Variants in GUCY1A2 observed in about 807,000 individuals in gnomAD.
The protein encoded by GUCY1A2 is guanylate cyclase soluble subunit alpha-2.
GUCY1A2 carries 27 observed loss-of-function variants against 63.5 expected under a neutral mutation model. The ratio of observed to expected loss-of-function variants is 0.43; its 90% CI spans 0.31 to 0.59. GUCY1A2 has a LOEUF of 0.59. Among genes scored for constraint, GUCY1A2 ranks in the 20% least tolerant of loss-of-function variants. The pLI, the probability that GUCY1A2 is intolerant of heterozygous loss-of-function variation, is 0.11. For synonymous variants in GUCY1A2, 364 were observed against 343.5 expected (o/e 1.06, Z -0.66); for missense variants, 768 against 913.3 (o/e 0.84, Z 2.05).
At chr11:106,735,273 C>A (rs552742339) in intron 6 of GUCY1A2, among the ~76,000 whole-genome samples, 2 of 152,032 alleles carry the variant, frequency 1.3e-5, no homozygotes, top group Admixed American at 1.3e-4. Context: ...ATTAGCCAAC[C>A]CCATTTTCCT....
chr11:106,887,322 G>A (rs1227306593), intron 4 of GUCY1A2, among the ~76,000 whole-genome samples: 1 of 152,054 alleles, frequency 6.6e-6, no homozygotes, highest in Admixed American at 6.6e-5. Context: ...ATGGTGTTCA[G>A]TAACTGACTG....
In GUCY1A2 at chr11:106,776,541, G is replaced by A. The variant is rs1864360417; in HGVS notation, c.1734C>T (p.Leu578=). ...IGDAYCVAAG[L]HRKSLCHAKP... ...TAGCATGGCAGAGGCTTTTTCTGTG[G>A]AGCCCTGCTGCAACACAGTAGGCAT... is the stretch of plus-strand genomic sequence containing the variant. Residue 578 remains leucine, a synonymous_variant, in exon 6 of 8, where the codon CTC becomes CTT. Coordinates refer to ENST00000526355, the MANE Select transcript of GUCY1A2 (RefSeq NM_000855.3). 1 of 1,613,368 alleles carries A rather than the reference G, an allele frequency of 6.2e-7. No homozygotes were observed. The highest frequency in any genetic ancestry group is 8.5e-7 in the Non-Finnish European group (1 of 1,179,346).
At chr11:106,945,077 G>C (rs1025678047) in intron 3 of GUCY1A2, among the ~76,000 whole-genome samples, 6 of 149,728 alleles carry the variant, frequency 4.0e-5, no homozygotes, top group African/African-American at 1.5e-4. Flanking sequence ...GATGGAAAAA[G>C]CATAAATTGC....
intron 7 of GUCY1A2, among the ~76,000 whole-genome samples, chr11:106,696,842 AGAG>A (rs1349074739): frequency 1.3e-5 from 2 of 152,164 alleles, no homozygotes; most frequent in African/African-American, 4.8e-5. Context: ...AGAAACTAAG[AGAG>A]GAGAAGAGGT....
At chr11:106,746,508 T>A in intron 6 of GUCY1A2, 1 of 1,004,822 alleles carries the variant, frequency 1.0e-6, no homozygotes, top group Non-Finnish European at 1.5e-6. Context: ...TATGCATAGC[T>A]GTATCCTCTG....
intron 4 of GUCY1A2, among the ~76,000 whole-genome samples, chr11:106,845,596 T>C (rs749435433): frequency 7.3e-5 from 11 of 151,578 alleles, no homozygotes; most frequent in Non-Finnish European, 1.3e-4. Flanking sequence ...TTTAACACTG[T>C]ACTTATTTCT....
chr11:106,742,923 A>C (rs1302029840), intron 6 of GUCY1A2, among the ~76,000 whole-genome samples: 1 of 152,146 alleles, frequency 6.6e-6, no homozygotes, highest in African/African-American at 2.4e-5. Context: ...TTTGCCTATT[A>C]ATCTGAGTCT....
chr11:106,928,201 A>T (rs924688991), intron 4 of GUCY1A2, among the ~76,000 whole-genome samples: 1 of 152,188 alleles, frequency 6.6e-6, no homozygotes, highest in African/African-American at 2.4e-5. Context: ...CCTCTTCTAC[A>T]GTGGATGGAA....
chr11:106,707,548 T>C (rs778906385), intron 7 of GUCY1A2, among the ~76,000 whole-genome samples: 1 of 152,120 alleles, frequency 6.6e-6, no homozygotes, highest in Non-Finnish European at 1.5e-5. Flanking sequence ...TAAGACATTT[T>C]CATGCTTTTC....
intron 4 of GUCY1A2, among the ~76,000 whole-genome samples, chr11:106,868,212 G>C (rs1053056592): frequency 2.0e-5 from 3 of 152,044 alleles, no homozygotes; most frequent in African/African-American, 7.2e-5. Context: ...TAGGTGAAAT[G>C]ATAAGTAGTC....
intron 4 of GUCY1A2, among the ~76,000 whole-genome samples, chr11:106,901,637 TC>T (rs1403908795): frequency 1.7e-5 from 2 of 114,664 alleles, no homozygotes; most frequent in African/African-American, 3.2e-5. Context: ...AATCTTTCCC[TC>T]CCCCCACCCC....
chr11:106,855,977 G>A (rs947341542), intron 4 of GUCY1A2, among the ~76,000 whole-genome samples: 1 of 150,938 alleles, frequency 6.6e-6, no homozygotes, highest in African/African-American at 2.4e-5. Flanking sequence ...CCAGGCTGGA[G>A]AGCAGTGGTG....
At chr11:106,859,573 T>G (rs947160459) in intron 4 of GUCY1A2, among the ~76,000 whole-genome samples, 4 of 151,980 alleles carry the variant, frequency 2.6e-5, no homozygotes, top group African/African-American at 9.7e-5. Context: ...ATTCCTGTTC[T>G]CAAGAAAAGT....
chr11:106,826,917 A>G, intron 4 of GUCY1A2: 2 of 1,609,132 alleles, frequency 1.2e-6, no homozygotes, highest in Non-Finnish European at 1.7e-6. Flanking sequence ...TACCATGGAG[A>G]AAAGGTTCTA....
At chr11:106,889,251 A>G (rs1859943034) in intron 4 of GUCY1A2, among the ~76,000 whole-genome samples, 2 of 152,190 alleles carry the variant, frequency 1.3e-5, no homozygotes, top group African/African-American at 4.8e-5. Context: ...TATTTTTGGT[A>G]TATTTTTAAA....
chr11:106,855,537 C>T (rs1190634128), intron 4 of GUCY1A2, among the ~76,000 whole-genome samples: 3 of 152,060 alleles, frequency 2.0e-5, no homozygotes, highest in African/African-American at 4.8e-5. Context: ...GATCTTTCTC[C>T]CAGGTCTACA....
intron 6 of GUCY1A2, among the ~76,000 whole-genome samples, chr11:106,723,265 C>G (rs1206682739): frequency 6.6e-6 from 1 of 152,216 alleles, no homozygotes; most frequent in East Asian, 1.9e-4. Context: ...GATAGTTTCT[C>G]ACTTTTCAGA....
intron 5 of GUCY1A2, among the ~76,000 whole-genome samples, chr11:106,779,535 T>C (rs529931303): frequency 6.6e-6 from 1 of 152,162 alleles, no homozygotes; most frequent in Non-Finnish European, 1.5e-5. Flanking sequence ...AGTCAGTAAA[T>C]TGCCTGCACA....
chr11:106,798,721 A>C (rs1864813410), intron 5 of GUCY1A2, among the ~76,000 whole-genome samples: 1 of 152,186 alleles, frequency 6.6e-6, no homozygotes, highest in Admixed American at 6.5e-5. Flanking sequence ...ACAGCCCTTC[A>C]TGCTAAAAAC....
Sources: gnomAD v4.1 joint callset for allele counts (sites outside exome capture counted in the v4.1 genomes callset) on GRCh38, gnomAD v4.1.1 for gene constraint, MANE v1.5 for transcripts, NCBI Gene and HGNC (gene_info 2026-07-23, HGNC 2026-07-21) for gene names.